The following CPPED1 variants were observed in gnomAD, a reference collection of about 807,000 sequenced individuals.
CPPED1 encodes serine/threonine-protein phosphatase CPPED1.
CPPED1 carries 28 observed loss-of-function variants against 28.0 expected under a neutral mutation model. The observed-to-expected ratio is 1.00, with a 90% confidence interval of 0.74 to 1.37. CPPED1 has a LOEUF of 1.37. Ranked by LOEUF, CPPED1 falls within the 40% of genes most tolerant of loss-of-function variation. The pLI is 0.00. For missense variants in CPPED1, 504 were observed against 416.5 expected, an observed-to-expected ratio of 1.21 and a Z score of -1.83; for synonymous variants, 198 against 180.2, an observed-to-expected ratio of 1.10 and a Z score of -0.79.
chr16:12,753,889 C>T (rs796698796), intron 2 of CPPED1: 10 of 152,330 alleles, frequency 6.6e-5, no homozygotes, highest in African/African-American at 2.2e-4. Context: ...GAAGCTGGCC[C>T]TCCTGTGTGG....
Position 12,664,811 on chromosome 16 carries a change from G to T in CPPED1, c.*75C>A. 6.3e-7 allele frequency: 1 copy of T among 1,592,530 alleles called. No homozygotes were observed. The highest frequency in any genetic ancestry group is 8.5e-7 in the Non-Finnish European group (1 of 1,173,322). On this transcript the variant is annotated 3_prime_UTR_variant, in exon 4 of 4. Transcript: ENST00000381774. The surrounding 1 kb of genome is among the most constrained non-coding windows in gnomAD (Gnocchi z 4.2). Reference sequence around the variant, plus strand: ...GGCTATTTTTATATTTCAGCAAGAGGTTGTGTGCAGCTGCTGTTTCTGGCA... The same window carrying T: ...GGCTATTTTTATATTTCAGCAAGAGTTTGTGTGCAGCTGCTGTTTCTGGCA...
At chr16:12,708,826 TC>T (rs2080065212) in intron 2 of CPPED1, among the ~76,000 whole-genome samples, 1 of 152,200 alleles carries the variant, frequency 6.6e-6, no homozygotes, top group South Asian at 2.1e-4. Flanking sequence ...ATGCCTGTAC[TC>T]CCAGGACTTT....
Position 12,767,120 on chromosome 16 carries a change from G to T in CPPED1, c.289+14065C>A, listed in dbSNP as rs187078748. Among the ~76,000 whole-genome samples, 64 of 152,226 alleles carry T rather than the reference G, an allele frequency of 4.2e-4. No homozygotes were observed. In the South Asian group the frequency reaches 5.2e-3, roughly 12 times the overall value. On this transcript the variant is annotated intron_variant, in intron 2 of 3. Coordinates refer to ENST00000381774, the MANE Select transcript of CPPED1 (RefSeq NM_018340.3). ...GGAATGGGTTCACAGGGTCACAGGG[G>T]CCAAGAAGTCACACCATCTGCCATA... is the stretch of plus-strand genomic sequence containing the variant.
intron 2 of CPPED1, among the ~76,000 whole-genome samples, chr16:12,746,452 G>T (rs2080288977): frequency 1.3e-5 from 2 of 149,392 alleles, no homozygotes; most frequent in African/African-American, 4.9e-5. Flanking sequence ...AACTTTCACA[G>T]ACATCCTGAA....
intron 3 of CPPED1, among the ~76,000 whole-genome samples, chr16:12,703,447 C>T (rs2080030793): frequency 6.6e-6 from 1 of 152,084 alleles, no homozygotes; most frequent in African/African-American, 2.4e-5. Context: ...CTTGGGAAGC[C>T]AAGGTGGGTG....
At chr16:12,687,415 T>C (rs924950945) in intron 3 of CPPED1, among the ~76,000 whole-genome samples, 2 of 152,210 alleles carry the variant, frequency 1.3e-5, no homozygotes, top group African/African-American at 4.8e-5. Context: ...TTTTAAGCAA[T>C]GTGCACCTTC....
intron 2 of CPPED1, among the ~76,000 whole-genome samples, chr16:12,741,375 G>A (rs2080254516): frequency 6.7e-6 from 1 of 150,332 alleles, no homozygotes; most frequent in African/African-American, 2.5e-5. Context: ...GCTCACATGT[G>A]AGTGGAGAGA....
At chr16:12,750,444 A>T (rs1158051911) in intron 2 of CPPED1, among the ~76,000 whole-genome samples, 2 of 152,186 alleles carry the variant, frequency 1.3e-5, no homozygotes, top group African/African-American at 4.8e-5. Context: ...GGAAATAAGG[A>T]GGCCCCAAAA....
chr16:12,782,378 A>G (rs2080537049), intron 1 of CPPED1, among the ~76,000 whole-genome samples: 1 of 152,102 alleles, frequency 6.6e-6, no homozygotes, highest in African/African-American at 2.4e-5. Flanking sequence ...GGAACTTCCA[A>G]TGCCAGAGCC....
At chr16:12,787,405 C>CTTTTTTT (rs57802112) in intron 1 of CPPED1, among the ~76,000 whole-genome samples, 1 of 140,866 alleles carries the variant, frequency 7.1e-6, no homozygotes, top group African/African-American at 2.7e-5. Flanking sequence ...ATTTTTCTTT[C>CTTTTTTT]TTTTTTTTTT....
Position 12,663,867 on chromosome 16 carries a change from C to T in CPPED1, c.*1019G>A, listed in dbSNP as rs1370787283. The T allele has an allele frequency of 1.3e-5, 2 of 152,208 alleles. No individual in the cohort carries two copies. The highest frequency in any genetic ancestry group is 2.9e-5 in the Non-Finnish European group (2 of 68,024). 9.4% of individuals were successfully genotyped at this position (152,208 alleles called of 1,614,324 possible). ...TGAGAAGATGCGGTAAAACAGGTTA[C>T]ATAAAAAACAATGCTGGTTTGAAAT... On this transcript the variant is annotated 3_prime_UTR_variant, in exon 4 of 4. Coordinates refer to ENST00000381774, the MANE Select transcript of CPPED1 (RefSeq NM_018340.3).
chr16:12,790,308 C>A (rs996747751), intron 1 of CPPED1, among the ~76,000 whole-genome samples: 1 of 152,048 alleles, frequency 6.6e-6, no homozygotes, highest in Non-Finnish European at 1.5e-5. Flanking sequence ...TTTTATTATC[C>A]CTTTTAGGCA....
chr16:12,689,988 G>C (rs1033053884), intron 3 of CPPED1, among the ~76,000 whole-genome samples: 1 of 152,184 alleles, frequency 6.6e-6, no homozygotes, highest in Non-Finnish European at 1.5e-5. Flanking sequence ...TCAAACACAA[G>C]TTGAAATTAA....
intron 3 of CPPED1, among the ~76,000 whole-genome samples, chr16:12,667,392 A>T (rs898203075): frequency 6.6e-6 from 1 of 152,208 alleles, no homozygotes; most frequent in Non-Finnish European, 1.5e-5. Context: ...TGAGAACAGG[A>T]GGTAATGAAC....
intron 1 of CPPED1, among the ~76,000 whole-genome samples, chr16:12,782,072 T>C (rs1201537885): frequency 6.6e-6 from 1 of 152,068 alleles, no homozygotes; most frequent in Non-Finnish European, 1.5e-5. Flanking sequence ...CTCTTTTATG[T>C]TCTTGGAAAG....
chr16:12,689,807 T>C (rs929045405), intron 3 of CPPED1, among the ~76,000 whole-genome samples: 1 of 152,162 alleles, frequency 6.6e-6, no homozygotes, highest in East Asian at 1.9e-4. Flanking sequence ...TGAAGATTGA[T>C]AAAATCTGAA....
chr16:12,697,536 GA>G (rs1415195384), intron 3 of CPPED1, among the ~76,000 whole-genome samples: 1 of 152,202 alleles, frequency 6.6e-6, no homozygotes, highest in Non-Finnish European at 1.5e-5. Context: ...GACACATACA[GA>G]ATGTGGACAA....
intron 3 of CPPED1, among the ~76,000 whole-genome samples, chr16:12,681,821 A>G (rs1405982520): frequency 2.0e-5 from 3 of 152,124 alleles, no homozygotes; most frequent in Admixed American, 6.5e-5. Flanking sequence ...CACCCACCGC[A>G]TCTGCATCCG....
rs931220925 is a variant in CPPED1 at position 12,777,881 on chromosome 16, G to T, written c.289+3304C>A. The stretch of plus-strand genomic sequence containing the variant: ...TTATTACTTTCATTAAAAAAAAAAT[G>T]AAAGTTCTTTTTTTCTATTTTCTTT... On this transcript the variant is annotated intron_variant, in intron 2 of 3. Coordinates refer to ENST00000381774, the MANE Select transcript of CPPED1 (RefSeq NM_018340.3). Among the ~76,000 whole-genome samples the T allele has an allele frequency of 2.0e-5, 3 of 149,406 alleles. No individual in the cohort carries two copies. In the South Asian group the frequency reaches 6.4e-4, roughly 32 times the overall value.
Sources: allele counts gnomAD v4.1 joint callset (sites outside exome capture counted in the v4.1 genomes callset), GRCh38; gene constraint gnomAD v4.1.1; non-coding constraint Gnocchi (gnomAD v3.1); transcripts MANE v1.5; gene names NCBI Gene and HGNC (gene_info 2026-07-23, HGNC 2026-07-21).